The following DYM variants were observed in gnomAD, a reference collection of about 807,000 sequenced individuals.
DYM encodes the protein dymeclin, also known as dyggve-Melchior-Clausen syndrome protein.
In DYM, 78 loss-of-function variants were observed where a neutral mutation model predicts 93.1. The observed-to-expected ratio is 0.84, with a 90% CI of 0.70 to 1.01. DYM has a LOEUF of 1.01. DYM is among the 50% of genes least tolerant of loss of function. The pLI, the probability that DYM is intolerant of heterozygous loss-of-function variation, is 0.00. For missense variants in DYM, 789 were observed against 845.0 expected, an observed-to-expected ratio of 0.93 and a Z score of 0.82; for synonymous variants, 321 against 319.7, an observed-to-expected ratio of 1.00 and a Z score of -0.04.
At chr18:49,224,691 A>C (rs2093469686) in intron 13 of DYM, among the ~76,000 whole-genome samples, 1 of 152,050 alleles carries the variant, frequency 6.6e-6, no homozygotes, top group African/African-American at 2.4e-5. Context: ...GCAGGTCCTC[A>C]CTAGACACCA....
chr18:49,384,811 G>A (rs1241438342), intron 3 of DYM, among the ~76,000 whole-genome samples: 3 of 150,744 alleles, frequency 2.0e-5, no homozygotes, highest in Non-Finnish European at 4.4e-5. Context: ...GAAAAGAACA[G>A]AGACAAAAAG....
chr18:49,196,191 G>T (rs532977924), intron 14 of DYM, among the ~76,000 whole-genome samples: 2 of 152,192 alleles, frequency 1.3e-5, no homozygotes, highest in East Asian at 3.9e-4. Context: ...CTTCCAAAGT[G>T]CTGGGATTAC....
chr18:49,238,618 T>C (rs1224145064), intron 13 of DYM, among the ~76,000 whole-genome samples: 1 of 151,982 alleles, frequency 6.6e-6, no homozygotes, highest in East Asian at 1.9e-4. Flanking sequence ...ACAAAAAAGA[T>C]GTTTTCTTTG....
At chr18:49,258,111 T>C (rs914666535) in intron 12 of DYM, among the ~76,000 whole-genome samples, 2 of 152,230 alleles carry the variant, frequency 1.3e-5, no homozygotes, top group Non-Finnish European at 2.9e-5. Flanking sequence ...TCAGTGTTAC[T>C]GGCCAAATAA....
At chr18:49,414,973 A>G (rs1310703092) in intron 2 of DYM, among the ~76,000 whole-genome samples, 1 of 152,146 alleles carries the variant, frequency 6.6e-6, no homozygotes, top group Non-Finnish European at 1.5e-5. Context: ...TTTTAGGTAT[A>G]TTAATCAAAA....
intron 3 of DYM, among the ~76,000 whole-genome samples, chr18:49,388,237 G>A (rs2147841383): frequency 6.6e-6 from 1 of 152,252 alleles, no homozygotes; most frequent in Non-Finnish European, 1.5e-5. Context: ...GGCTGAAGTG[G>A]TAGGACCTCT....
At chr18:49,173,648 TC>T (rs772166753) in intron 14 of DYM, among the ~76,000 whole-genome samples, 2 of 152,154 alleles carry the variant, frequency 1.3e-5, no homozygotes, top group Non-Finnish European at 2.9e-5. Context: ...AACAGTAAAT[TC>T]AACAATAAAA....
intron 1 of DYM, among the ~76,000 whole-genome samples, chr18:49,445,495 A>G (rs9948962): frequency 1.3e-5 from 2 of 152,220 alleles, no homozygotes; most frequent in African/African-American, 4.8e-5. Flanking sequence ...GATAAAAGTT[A>G]AGGGAACTCC....
chr18:49,289,760 T>TATACAC (rs2059962214), intron 8 of DYM, among the ~76,000 whole-genome samples: 1 of 37,572 alleles, frequency 2.7e-5, no homozygotes, highest in African/African-American at 1.0e-4. Flanking sequence ...TATATATATA[T>TATACAC]ATATATATAT....
chr18:49,370,280 G>GA (rs35985394), intron 5 of DYM, among the ~76,000 whole-genome samples: 23,506 of 120,148 alleles, frequency 0.2, 2,367 homozygotes, highest in African/African-American at 0.27. Flanking sequence ...CTCCATCTCA[G>GA]AAAAAAAAAA....
intron 11 of DYM, among the ~76,000 whole-genome samples, chr18:49,266,561 C>A (rs1043447551): frequency 1.3e-4 from 20 of 152,214 alleles, no homozygotes; most frequent in African/African-American, 4.3e-4. Flanking sequence ...CAGTGAGCAG[C>A]GATTGTGCCA....
intron 15 of DYM, among the ~76,000 whole-genome samples, chr18:49,156,157 T>C (rs2086394444): frequency 6.6e-6 from 1 of 152,226 alleles, no homozygotes; most frequent in Admixed American, 6.5e-5. Context: ...GTTGAGTATA[T>C]TTTGATGTGC....
At chr18:49,061,347 G>T (rs1310349958) in intron 17 of DYM, among the ~76,000 whole-genome samples, 1 of 152,140 alleles carries the variant, frequency 6.6e-6, no homozygotes, top group African/African-American at 2.4e-5. Flanking sequence ...CCAGGCAGAG[G>T]AATAATAGAA....
At position 49,378,492 on chromosome 18, in the gene DYM, T is replaced by C. The variant is rs2067723083; in HGVS notation, c.421+75A>G. On this transcript the variant is annotated intron_variant, in intron 5 of 17. Coordinates refer to ENST00000675505, the MANE Select transcript of DYM (RefSeq NM_001353214.3). The stretch of plus-strand genomic sequence containing the variant: ...AGGATAACTGGAATTTTCAAAATCA[T>C]ACTTTTATTCCTGAAATTTTATCCT... 1.3e-5 allele frequency: 18 copies of C among 1,391,564 alleles called. No homozygotes were observed. In the South Asian group the frequency reaches 2.1e-4, roughly 16 times the overall value. The allele number at this position is 1,391,564 out of a possible 1,614,324, so 86.2% of individuals were successfully genotyped here.
chr18:49,364,399 C>T (rs2066319188), intron 5 of DYM, among the ~76,000 whole-genome samples: 1 of 151,586 alleles, frequency 6.6e-6, no homozygotes, highest in South Asian at 2.1e-4. Context: ...GAACTGAGGT[C>T]GCGCCACAGC....
At chr18:49,232,174 C>A (rs1333956363) in intron 13 of DYM, among the ~76,000 whole-genome samples, 6 of 152,134 alleles carry the variant, frequency 3.9e-5, no homozygotes, top group Non-Finnish European at 2.9e-5. Flanking sequence ...TCTGCTTTAT[C>A]CTAGTTTGGA....
rs891011634 is a variant in DYM at position 49,037,826 on chromosome 18, G to C, written c.*6229C>G. 1.3e-5 allele frequency among the ~76,000 whole-genome samples: 2 copies of C among 152,076 alleles called. No individual in the cohort carries two copies. The highest frequency in any genetic ancestry group is 1.3e-4 in the Admixed American group (2 of 15,270). On this transcript the variant is annotated 3_prime_UTR_variant, in exon 18 of 18. Transcript: ENST00000675505. ...TTTCATTTGAAGTATTTTCAGGTTT[G>C]TTGAGACTTTTTTTCTGAGACAGGG...
In DYM at chr18:49,359,815, G is replaced by A. The variant is rs1387571258; in HGVS notation, c.494+3346C>T. On this transcript the variant is annotated intron_variant, in intron 6 of 17. Coordinates refer to ENST00000675505, the MANE Select transcript of DYM (RefSeq NM_001353214.3). ...AAACGTTTATAGCACTTCTGATGAT[G>A]TTCAGGTGTGAGAGCATTCGTGGTT... 2.0e-5 allele frequency: 3 copies of A among 152,204 alleles called. No homozygotes were observed. In the East Asian group the frequency reaches 5.8e-4, roughly 29 times the overall value. 9.4% of individuals were successfully genotyped at this position (152,204 alleles called of 1,614,324 possible).
rs527352094 is a variant in DYM at position 49,163,605 on chromosome 18, A to G, written c.1728+80T>C. The G allele has an allele frequency of 1.1e-5, 10 of 918,734 alleles. No homozygotes were observed. In the African/African-American group the frequency reaches 1.3e-4, roughly 12 times the overall value. 56.9% of individuals were successfully genotyped at this position (918,734 alleles called of 1,614,324 possible). A position where few individuals can be genotyped will look rare whatever the true frequency, so the allele number is the denominator to read the frequency against. On this transcript the variant is annotated intron_variant, in intron 15 of 17. Transcript: ENST00000675505. The stretch of plus-strand genomic sequence containing the variant: ...GTGATCCATCTGCCTCGGCCTCCCA[A>G]AGTGCTGGGATTACAGGCAGGAGTT...
Sources: gnomAD v4.1 joint callset for allele counts (sites outside exome capture counted in the v4.1 genomes callset) on GRCh38, gnomAD v4.1.1 for gene constraint, MANE v1.5 for transcripts, NCBI Gene and HGNC (gene_info 2026-07-23, HGNC 2026-07-21) for gene names.